MIS18BP1: variants seen among roughly 807,000 people sequenced by gnomAD.
MIS18BP1 encodes the protein mis18-binding protein 1.
MIS18BP1 carries 72 observed loss-of-function variants against 116.1 expected under a neutral mutation model. The ratio of observed to expected loss-of-function variants is 0.62; its 90% CI spans 0.51 to 0.75. MIS18BP1 has a LOEUF of 0.75. Ranked by LOEUF, MIS18BP1 falls within the 30% of genes least tolerant of loss-of-function variation. MIS18BP1 has a pLI of 0.00. For missense variants in MIS18BP1, 1,363 were observed against 1,303.2 expected (o/e 1.05, Z -0.71); for synonymous variants, 386 against 427.0 (o/e 0.90, Z 1.18).
chr14:45,206,826 T>A (rs1476329261), intron 14 of MIS18BP1, among the ~76,000 whole-genome samples: 1 of 152,192 alleles, frequency 6.6e-6, no homozygotes, highest in African/African-American at 2.4e-5. Flanking sequence ...CTCCTTGGAC[T>A]CCCTTTTGCT....
chr14:45,218,633 T>G (rs772282006), intron 11 of MIS18BP1, among the ~76,000 whole-genome samples, 179 bp from the exon 12 acceptor site: 15 of 151,690 alleles, frequency 9.9e-5, no homozygotes, highest in Non-Finnish European at 2.1e-4. Flanking sequence ...TTAACTCTAG[T>G]GCTTAAAATA....
At position 45,238,663 on chromosome 14, in the gene MIS18BP1, A is replaced by C. The variant is rs80293226; in HGVS notation, c.1144-942T>G. On this transcript the variant is annotated intron_variant, in intron 4 of 16. Transcript: ENST00000310806. ...TGGGCAACATAGTAAGATTCCAAAA[A>C]AAAGTTTAAAAATTAGCTGGGTGTG... Among the ~76,000 whole-genome samples the C allele has an allele frequency of 4.5e-3, 690 of 152,240 alleles. 20 individuals are homozygous for C. The East Asian group carries it at 0.049, about 11-fold the overall frequency.
At chr14:45,219,216 ATC>A (rs1166029338) in intron 11 of MIS18BP1, among the ~76,000 whole-genome samples, 1 of 152,158 alleles carries the variant, frequency 6.6e-6, no homozygotes, top group Non-Finnish European at 1.5e-5. Flanking sequence ...TTTATTTTTA[ATC>A]TGTTTCTTTG....
Position 45,250,743 on chromosome 14 carries a change from C to T in MIS18BP1, c.-92+2292G>A, listed in dbSNP as rs72672932. Among the ~76,000 whole-genome samples, 535 of 151,504 alleles carry T rather than the reference C, an allele frequency of 3.5e-3. 3 individuals carry two copies. The highest frequency in any genetic ancestry group is 6.1e-3 in the Non-Finnish European group (414 of 67,798). ...CATTGGATGAAAGGGCTGGCCAGGC[C>T]GCGTGCGGTGGCTCACGCCTGTAAT... On this transcript the variant is annotated intron_variant, in intron 1 of 16. Coordinates refer to ENST00000310806, the MANE Select transcript of MIS18BP1 (RefSeq NM_018353.5).
intron 10 of MIS18BP1, among the ~76,000 whole-genome samples, chr14:45,225,842 C>T (rs1170311695): frequency 6.6e-6 from 1 of 152,158 alleles, no homozygotes; most frequent in Admixed American, 6.6e-5. Flanking sequence ...ACCACCTCCA[C>T]ATATTATGTG....
chr14:45,244,858 A>G (rs539441455), intron 2 of MIS18BP1, among the ~76,000 whole-genome samples: 7 of 152,294 alleles, frequency 4.6e-5, no homozygotes, highest in South Asian at 2.1e-4. Context: ...TCAGTTAACA[A>G]TTGGTCTGTC....
At chr14:45,223,102 C>A (rs1038983481) in intron 11 of MIS18BP1, among the ~76,000 whole-genome samples, 2 of 147,308 alleles carry the variant, frequency 1.4e-5, no homozygotes, top group Middle Eastern at 3.5e-3. Flanking sequence ...AAAACAAAAA[C>A]AAACCAAACC....
intron 2 of MIS18BP1, among the ~76,000 whole-genome samples, chr14:45,243,740 G>A (rs1466924661): frequency 6.6e-6 from 1 of 152,040 alleles, no homozygotes; most frequent in Non-Finnish European, 1.5e-5. Flanking sequence ...TACAAGAAAT[G>A]GCAAGGCAAT....
At chr14:45,215,613 A>C (rs551983820) in intron 13 of MIS18BP1, among the ~76,000 whole-genome samples, 1 of 151,684 alleles carries the variant, frequency 6.6e-6, no homozygotes, top group South Asian at 2.1e-4. Flanking sequence ...GGGTTTCACC[A>C]TGTTGGCCAG....
At chr14:45,206,920 A>C (rs943822454) in intron 14 of MIS18BP1, among the ~76,000 whole-genome samples, 12 of 152,144 alleles carry the variant, frequency 7.9e-5, no homozygotes, top group Non-Finnish European at 1.8e-4. Context: ...CTGGTGATTG[A>C]AAACTGTCAA....
chr14:45,232,857 A>G, intron 6 of MIS18BP1, 37 bp from the exon 7 acceptor site: 1 of 1,011,066 alleles, frequency 9.9e-7, no homozygotes, highest in Non-Finnish European at 1.5e-6. Context: ...AGTATTTAAA[A>G]GCCTAGAATT....
chr14:45,217,304 CT>C, intron 12 of MIS18BP1, 125 bp from the exon 13 acceptor site: 1 of 1,124,102 alleles, frequency 8.9e-7, no homozygotes, highest in Non-Finnish European at 1.3e-6. Context: ...AAAACTCAGC[CT>C]TGGCCAGGCT....
In MIS18BP1 at chr14:45,246,884, T is replaced by C. The variant is rs772980959; in HGVS notation, c.403A>G (p.Ser135Gly). ...CCACTTTTCTGTGGTTCCAACAAAC[T>C]ACTGTTTCTTGATGGCTGTTCTTGC... ...DKQEQPSRNS[S>G]LLEPQKSGNN... The change falls in exon 2 of 17, where the codon AGT becomes GGT. Residue 135 changes from serine (S) to glycine (G), a missense_variant. By Grantham distance (56) the Ser-to-Gly change is moderately conservative. Coordinates refer to ENST00000310806, the MANE Select transcript of MIS18BP1 (RefSeq NM_018353.5). 3.7e-6 allele frequency: 6 copies of C among 1,612,694 alleles called. No individual in the cohort carries two copies. In the South Asian group the frequency reaches 6.6e-5, roughly 18 times the overall value.
intron 4 of MIS18BP1, 56 bp from the exon 5 acceptor site, chr14:45,237,777 T>G: frequency 1.0e-5 from 16 of 1,531,730 alleles, no homozygotes; most frequent in Non-Finnish European, 1.4e-5. Context: ...GCACAAGCAT[T>G]ACAAAATTAA....
At chr14:45,237,174 G>A (rs1388219554) in intron 5 of MIS18BP1, among the ~76,000 whole-genome samples, 1 of 152,118 alleles carries the variant, frequency 6.6e-6, no homozygotes, top group Non-Finnish European at 1.5e-5. Context: ...CCACTTACCT[G>A]GTGATGCTCT....
rs112659075 is a variant in MIS18BP1, at chr14:45,235,607, A to C, written c.1348+207T>G. Among the ~76,000 whole-genome samples, 208 of 151,730 alleles carry C rather than the reference A, an allele frequency of 1.4e-3. 2 individuals carry two copies. The highest frequency in any genetic ancestry group is 4.9e-3 in the African/African-American group (202 of 41,408). On this transcript the variant is annotated intron_variant, in intron 6 of 16. Coordinates refer to ENST00000310806, the MANE Select transcript of MIS18BP1 (RefSeq NM_018353.5). ...TCCATTTCCAAAAAAAAAAAAAAAA[A>C]CAAAAACACATAACTTATTAGAAAT...
rs1891053505 is a variant in MIS18BP1, at chr14:45,224,126, T to C, written c.2461A>G (p.Thr821Ala). 6.2e-7 allele frequency: 1 copy of C among 1,613,188 alleles called. No individual in the cohort carries two copies. Among genetic ancestry groups the C allele is most frequent in the Middle Eastern group, 1.7e-4 (1 of 6,058 alleles). ...TAAAATTCATTTTCACTTTCTTCAG[T>C]TTCAGGTTCCAAAATCACTGGAATA... ...SNIPVILEPE[T>A]EESENEFYIK... The change falls in exon 11 of 17, where the codon ACT (threonine) becomes GCT (alanine). Residue 821 changes from threonine to alanine, a missense_variant. Physicochemically the swap from Thr to Ala is moderately conservative, Grantham distance 58. Transcript: ENST00000310806.
chr14:45,204,350 C>CT, intron 16 of MIS18BP1, 49 bp downstream of exon 16: 1 of 1,565,306 alleles, frequency 6.4e-7, no homozygotes, highest in Non-Finnish European at 8.7e-7. Flanking sequence ...AATAAAGAAC[C>CT]TACCTTATAA....
intron 13 of MIS18BP1, among the ~76,000 whole-genome samples, chr14:45,212,308 C>T (rs1890697394): frequency 6.6e-6 from 1 of 152,130 alleles, no homozygotes; most frequent in African/African-American, 2.4e-5. Context: ...TGGAAACAAG[C>T]CATCTACAGC....
Sources: allele counts gnomAD v4.1 joint callset (sites outside exome capture counted in the v4.1 genomes callset), GRCh38; gene constraint gnomAD v4.1.1; transcripts MANE v1.5; gene names NCBI Gene and HGNC (gene_info 2026-07-23, HGNC 2026-07-21).